The following ADAMTSL1 variants were observed in gnomAD, a reference collection of about 807,000 sequenced individuals.
The protein encoded by ADAMTSL1 is ADAMTS-like protein 1.
In ADAMTSL1, 126 loss-of-function variants were observed where a neutral mutation model predicts 201.8. The observed-to-expected ratio is 0.62, with a 90% confidence interval of 0.54 to 0.72. The LOEUF (loss-of-function observed/expected upper bound fraction) is 0.72, where lower values mean the gene tolerates loss of function less well. Ranked by LOEUF, ADAMTSL1 falls within the 30% of genes least tolerant of loss-of-function variation. The pLI is 0.00. For synonymous variants in ADAMTSL1, 1,121 were observed against 903.4 expected (o/e 1.24, Z -4.32); for missense variants, 2,679 against 2,277.8 (o/e 1.18, Z -3.59).
chr9:18,657,743 T>C lies in ADAMTSL1; in HGVS notation c.939T>C (p.Cys313=), dbSNP rs201832138. 1 of 1,612,642 alleles carries C rather than the reference T, an allele frequency of 6.2e-7. No individual in the cohort carries two copies. Among genetic ancestry groups the C allele is most frequent in the Non-Finnish European group, 8.5e-7 (1 of 1,178,634 alleles). ...ATTTCTTTCCTTGCTCAGCAACCTG[T>C]GGAGGAGGTAATGGTGTTCACTTAG... ...ETDFFPCSAT[C]GGGYQLTSAE... is the part of the protein sequence containing the mutation. Residue 313 remains cysteine (C), a synonymous_variant, in exon 8 of 29, where the codon TGT becomes TGC. Coordinates refer to ENST00000380548, the MANE Select transcript of ADAMTSL1 (RefSeq NM_001040272.6).
chr9:18,690,930 C>A (rs1421119040), intron 13 of ADAMTSL1, among the ~76,000 whole-genome samples: 2 of 152,210 alleles, frequency 1.3e-5, no homozygotes, highest in African/African-American at 4.8e-5. Flanking sequence ...ACCTATAAAT[C>A]CCTTGCCCTA....
At chr9:18,529,857 G>A (rs1214816242) in intron 2 of ADAMTSL1, among the ~76,000 whole-genome samples, 8 of 152,128 alleles carry the variant, frequency 5.3e-5, no homozygotes, top group Non-Finnish European at 1.2e-4. Context: ...TCCATATTAG[G>A]CATTAGACAA....
chr9:18,337,186 C>T (rs939800767), intron 2 of ADAMTSL1, among the ~76,000 whole-genome samples: 7 of 152,058 alleles, frequency 4.6e-5, no homozygotes, highest in Admixed American at 2.0e-4. Flanking sequence ...GGCTGAAGAA[C>T]GTGGAAGGAC....
intron 1 of ADAMTSL1, among the ~76,000 whole-genome samples, chr9:18,019,463 C>G (rs1350322000): frequency 1.3e-5 from 2 of 152,052 alleles, no homozygotes; most frequent in African/African-American, 4.8e-5. Flanking sequence ...TCAGAGAGAT[C>G]AAAGGTAATG....
rs752195201 is a variant in ADAMTSL1, at chr9:18,867,237, C to G, written c.4250-20594C>G. 2.8e-4 allele frequency among the ~76,000 whole-genome samples: 43 copies of G among 152,196 alleles called. 1 individual carries two copies. The highest frequency in any genetic ancestry group is 6.0e-4 in the Non-Finnish European group (41 of 68,034). On this transcript the variant is annotated intron_variant, in intron 23 of 28. Transcript: ENST00000380548. ...AAATGAAAGTAATCTCTGAATGCAA[C>G]AGAGCTGCATGAATGAAAGTGAACC...
At chr9:18,227,175 C>A (rs948518069) in intron 2 of ADAMTSL1, among the ~76,000 whole-genome samples, 9 of 152,138 alleles carry the variant, frequency 5.9e-5, no homozygotes, top group African/African-American at 1.9e-4. Context: ...CCTCAATTCT[C>A]CTCTAATCCC....
intron 2 of ADAMTSL1, among the ~76,000 whole-genome samples, chr9:18,375,332 A>AT (rs201909230): frequency 6.6e-6 from 1 of 151,726 alleles, no homozygotes; most frequent in Non-Finnish European, 1.5e-5. Flanking sequence ...GCTAATTGCT[A>AT]TTTTTTTTAT....
intron 2 of ADAMTSL1, among the ~76,000 whole-genome samples, chr9:18,235,469 A>C (rs1366625030): frequency 6.6e-6 from 1 of 152,182 alleles, no homozygotes. Flanking sequence ...CCTCCCATGG[A>C]ACATATTTCC....
At chr9:18,591,759 A>G (rs1823930531) in intron 4 of ADAMTSL1, among the ~76,000 whole-genome samples, 1 of 152,202 alleles carries the variant, frequency 6.6e-6, no homozygotes, top group Non-Finnish European at 1.5e-5. Flanking sequence ...ATTTTGGCCA[A>G]TGAGAAATAA....
At chr9:18,716,670 G>A in intron 14 of ADAMTSL1, among the ~76,000 whole-genome samples, 1 of 147,664 alleles carries the variant, frequency 6.8e-6, no homozygotes, top group Non-Finnish European at 1.5e-5. Context: ...CATTGTGGAA[G>A]TCAGTGTGGC....
chr9:18,825,679 C>T (rs1479129495), intron 21 of ADAMTSL1, among the ~76,000 whole-genome samples: 2 of 152,078 alleles, frequency 1.3e-5, no homozygotes, highest in African/African-American at 4.8e-5. Flanking sequence ...CACAGAGCAT[C>T]GCCAGTGGCC....
At chr9:18,862,205 T>C (rs1405327983) in intron 23 of ADAMTSL1, among the ~76,000 whole-genome samples, 1 of 152,180 alleles carries the variant, frequency 6.6e-6, no homozygotes, top group Non-Finnish European at 1.5e-5. Context: ...AAATGGGATG[T>C]AGACAGGGCT....
intron 14 of ADAMTSL1, among the ~76,000 whole-genome samples, chr9:18,708,293 G>A (rs1832346068): frequency 6.6e-6 from 1 of 152,182 alleles, no homozygotes; most frequent in Non-Finnish European, 1.5e-5. Context: ...TCTCCAGCAG[G>A]TCTTTTAGTA....
intron 20 of ADAMTSL1, among the ~76,000 whole-genome samples, chr9:18,801,555 G>C (rs1459286371): frequency 6.6e-6 from 1 of 152,042 alleles, no homozygotes; most frequent in African/African-American, 2.4e-5. Flanking sequence ...GTAAGCCCCA[G>C]GGTCTGTTGT....
At chr9:18,678,423 C>G (rs1032740627) in intron 10 of ADAMTSL1, among the ~76,000 whole-genome samples, 8 of 152,102 alleles carry the variant, frequency 5.3e-5, no homozygotes, top group Non-Finnish European at 1.2e-4. Flanking sequence ...TATTATTATA[C>G]AAGTATTCAC....
intron 4 of ADAMTSL1, among the ~76,000 whole-genome samples, chr9:18,609,685 T>C (rs1825259313): frequency 1.3e-5 from 2 of 152,080 alleles, no homozygotes; most frequent in Admixed American, 1.3e-4. Context: ...AATGAGAAAA[T>C]ACCTGCTATT....
At chr9:18,487,502 A>G (rs1822057649) in intron 1 of ADAMTSL1, among the ~76,000 whole-genome samples, 1 of 152,160 alleles carries the variant, frequency 6.6e-6, no homozygotes. Context: ...CTTCCCTGAA[A>G]TTGACTGCAA....
At chr9:18,514,327 C>CTTTTTT (rs397963773) in intron 2 of ADAMTSL1, among the ~76,000 whole-genome samples, 111 of 100,086 alleles carry the variant, frequency 1.1e-3, no homozygotes, top group South Asian at 2.7e-3. Flanking sequence ...ATTTTTCTTT[C>CTTTTTT]TTTTTTTTTT....
At chr9:18,018,467 T>A (rs1820348857) in intron 1 of ADAMTSL1, among the ~76,000 whole-genome samples, 1 of 152,108 alleles carries the variant, frequency 6.6e-6, no homozygotes, top group Non-Finnish European at 1.5e-5. Flanking sequence ...TGGCATGGAA[T>A]GTAGAATATG....
Sources: gnomAD v4.1 joint callset for allele counts (sites outside exome capture counted in the v4.1 genomes callset) on GRCh38, gnomAD v4.1.1 for gene constraint, MANE v1.5 for transcripts, NCBI Gene and HGNC (gene_info 2026-07-23, HGNC 2026-07-21) for gene names.